FHIP1A: variants seen among roughly 807,000 people sequenced by gnomAD.
FHIP1A encodes the protein FHF complex subunit HOOK interacting protein 1A.
Under a neutral mutation model 88.6 loss-of-function variants are expected in FHIP1A, and 61 were observed. The ratio of observed to expected loss-of-function variants is 0.69; its 90% CI spans 0.56 to 0.85. The LOEUF is 0.85. Among genes scored for constraint, FHIP1A ranks in the 40% least tolerant of loss-of-function variants. The probability of loss-of-function intolerance (pLI) is 0.00; values close to 1 mark genes in which losing one functional copy is unlikely to be tolerated. For missense variants in FHIP1A, 1,154 were observed against 1,273.5 expected, an observed-to-expected ratio of 0.91 and a Z score of 1.43; for synonymous variants, 478 against 496.0, an observed-to-expected ratio of 0.96 and a Z score of 0.48.
chr4:151,412,685 T>G (rs561652118), intron 1 of FHIP1A, among the ~76,000 whole-genome samples: 18 of 92,538 alleles, frequency 1.9e-4, no homozygotes, highest in Non-Finnish European at 3.7e-4. Flanking sequence ...CTCTCTTTCT[T>G]TCTTTTTTTT....
At chr4:151,460,886 T>G (rs921058428) in intron 2 of FHIP1A, among the ~76,000 whole-genome samples, 1 of 152,222 alleles carries the variant, frequency 6.6e-6, no homozygotes, top group African/African-American at 2.4e-5. Context: ...AGCATTTGTG[T>G]TTAGGAAAAT....
intron 1 of FHIP1A, among the ~76,000 whole-genome samples, chr4:151,427,211 C>G (rs1327581943): frequency 6.6e-6 from 1 of 152,004 alleles, no homozygotes; most frequent in African/African-American, 2.4e-5. Flanking sequence ...CCAAAAGCAA[C>G]ATGTTTAAAA....
chr4:151,609,705 G>T (rs1469776620), intron 7 of FHIP1A, among the ~76,000 whole-genome samples: 1 of 152,122 alleles, frequency 6.6e-6, no homozygotes, highest in Non-Finnish European at 1.5e-5. Context: ...CATGTGTTCA[G>T]CTGATACCTG....
intron 1 of FHIP1A, among the ~76,000 whole-genome samples, chr4:151,415,444 C>T (rs921069419): frequency 6.6e-6 from 1 of 152,140 alleles, no homozygotes; most frequent in Non-Finnish European, 1.5e-5. Flanking sequence ...TCCCAAAGTG[C>T]TGGGATTACA....
intron 3 of FHIP1A, among the ~76,000 whole-genome samples, chr4:151,493,869 A>G (rs1293169172): frequency 6.6e-6 from 1 of 152,220 alleles, no homozygotes; most frequent in Non-Finnish European, 1.5e-5. Context: ...CCAACATTAT[A>G]CTGAATGGGG....
chr4:151,596,017 A>G (rs1306850479), intron 7 of FHIP1A, among the ~76,000 whole-genome samples: 1 of 152,172 alleles, frequency 6.6e-6, no homozygotes. Context: ...CATTTAGCCC[A>G]TTTACATTTA....
chr4:151,585,240 C>T (rs1156633682), intron 5 of FHIP1A, among the ~76,000 whole-genome samples: 1 of 152,066 alleles, frequency 6.6e-6, no homozygotes, highest in African/African-American at 2.4e-5. Flanking sequence ...GTAGTAGGTC[C>T]AATCTCGGCT....
At chr4:151,621,055 C>G (rs1681147103) in intron 7 of FHIP1A, among the ~76,000 whole-genome samples, 2 of 152,138 alleles carry the variant, frequency 1.3e-5, no homozygotes, top group Admixed American at 1.3e-4. Context: ...AACAAAGGCC[C>G]TGCAAGATTT....
chr4:151,611,705 C>A (rs1735330997), intron 7 of FHIP1A, among the ~76,000 whole-genome samples: 1 of 152,110 alleles, frequency 6.6e-6, no homozygotes, highest in African/African-American at 2.4e-5. Context: ...AAATTAGAAT[C>A]CATTTCAGTT....
rs530446646 is a variant in FHIP1A at position 151,456,958 on chromosome 4, ATTATT to A, written c.-248+2154_-248+2158del. On this transcript the variant is annotated intron_variant, in intron 2 of 13. Coordinates refer to ENST00000435205, the MANE Select transcript of FHIP1A (RefSeq NM_001109977.3). ...GTTTTTATTTTACAGTATTATTGTG[ATTATT>A]TTAGAGTATTTGAAAGCTAATGACA... Among the ~76,000 whole-genome samples the A allele has an allele frequency of 2.6e-3, 397 of 152,136 alleles. 1 individual carries two copies. The highest frequency in any genetic ancestry group is 4.7e-3 in the Non-Finnish European group (316 of 67,954).
At chr4:151,410,805 A>G (rs769224378) in intron 1 of FHIP1A, among the ~76,000 whole-genome samples, 2 of 152,254 alleles carry the variant, frequency 1.3e-5, no homozygotes, top group Non-Finnish European at 2.9e-5. Flanking sequence ...TTTTCGCATA[A>G]TTAAAGGTTG....
intron 2 of FHIP1A, among the ~76,000 whole-genome samples, chr4:151,462,652 A>C (rs1274548839): frequency 1.3e-5 from 2 of 152,220 alleles, no homozygotes; most frequent in African/African-American, 4.8e-5. Flanking sequence ...GGCCAAAAGA[A>C]GAAAGAAGGG....
chr4:151,548,707 A>T (rs945228493), intron 3 of FHIP1A, among the ~76,000 whole-genome samples: 10 of 152,030 alleles, frequency 6.6e-5, no homozygotes, highest in African/African-American at 2.2e-4. Context: ...AGATCACCTG[A>T]GGTCAGGAGT....
intron 3 of FHIP1A, among the ~76,000 whole-genome samples, chr4:151,486,795 C>T (rs1219005583): frequency 1.3e-5 from 2 of 151,734 alleles, no homozygotes; most frequent in African/African-American, 4.8e-5. Flanking sequence ...GATGAAACCC[C>T]ATCTTTACTA....
chr4:151,447,965 G>A (rs7676922), intron 1 of FHIP1A, among the ~76,000 whole-genome samples: 79,124 of 152,024 alleles, frequency 0.52, 20,888 homozygotes, highest in African/African-American at 0.55. Flanking sequence ...CTGGAGTGCA[G>A]TGGCACAATC....
At chr4:151,414,903 T>C (rs1416175228) in intron 1 of FHIP1A, among the ~76,000 whole-genome samples, 1 of 152,182 alleles carries the variant, frequency 6.6e-6, no homozygotes, top group Non-Finnish European at 1.5e-5. Context: ...TATAGAAATA[T>C]ATAATGTTAA....
chr4:151,535,842 T>C (rs537588283), intron 3 of FHIP1A, among the ~76,000 whole-genome samples: 1 of 152,268 alleles, frequency 6.6e-6, no homozygotes, highest in Non-Finnish European at 1.5e-5. Flanking sequence ...TAGGTAGAAC[T>C]TCATAGTGTG....
rs1389401706 is a variant in FHIP1A at position 151,481,100 on chromosome 4, C to T, written c.-247-1424C>T. 2.6e-5 allele frequency among the ~76,000 whole-genome samples: 4 copies of T among 151,960 alleles called. No individual in the cohort carries two copies. In the East Asian group the frequency reaches 7.7e-4, roughly 29 times the overall value. On this transcript the variant is annotated intron_variant, in intron 2 of 13. Transcript: ENST00000435205. ...CTCTGACTTGAATTGCTCCCCTCAA[C>T]CCATCTAAAGATAGGAACTATTTTA...
intron 3 of FHIP1A, among the ~76,000 whole-genome samples, chr4:151,506,100 T>C (rs1730829026): frequency 1.3e-5 from 2 of 152,120 alleles, no homozygotes; most frequent in African/African-American, 2.4e-5. Context: ...TTTTTCATTT[T>C]TGTAGAGGTG....
Sources: allele counts gnomAD v4.1 joint callset (sites outside exome capture counted in the v4.1 genomes callset), GRCh38; gene constraint gnomAD v4.1.1; transcripts MANE v1.5; gene names NCBI Gene and HGNC (gene_info 2026-07-23, HGNC 2026-07-21).